The following SPECC1 variants were observed in gnomAD, a reference collection of about 807,000 sequenced individuals.
The protein encoded by SPECC1 is sperm antigen with calponin homology and coiled-coil domains 1, also known as cytospin-B.
SPECC1 carries 62 observed loss-of-function variants against 104.1 expected under a neutral mutation model. That is an observed-to-expected ratio of 0.60 (90% CI 0.49 to 0.74). The LOEUF is 0.74. Ranked by LOEUF, SPECC1 falls within the 30% of genes least tolerant of loss-of-function variation. SPECC1 has a pLI of 0.00. For synonymous variants in SPECC1, 513 were observed against 501.6 expected (o/e 1.02, Z -0.30); for missense variants, 1,306 against 1,310.5 (o/e 1.00, Z 0.05).
At chr17:20,309,878 T>C (rs1238400619) in intron 14 of SPECC1, among the ~76,000 whole-genome samples, 1 of 147,068 alleles carries the variant, frequency 6.8e-6, no homozygotes, top group Non-Finnish European at 1.5e-5. Context: ...AGTGCAATGG[T>C]GCAATCTTGG....
chr17:20,262,493 G>T (rs1188552986), intron 12 of SPECC1, among the ~76,000 whole-genome samples: 1 of 152,170 alleles, frequency 6.6e-6, no homozygotes, highest in African/African-American at 2.4e-5. Context: ...GGTCATGTGG[G>T]TAATGTGTAG....
chr17:20,275,871 C>A (rs1304239475), intron 12 of SPECC1, among the ~76,000 whole-genome samples: 6 of 152,094 alleles, frequency 3.9e-5, no homozygotes, highest in Admixed American at 3.9e-4. Context: ...ATCTCTTACT[C>A]TGACTGTGGT....
At chr17:20,255,982 A>G (rs937883612) in intron 10 of SPECC1, among the ~76,000 whole-genome samples, 7 of 151,564 alleles carry the variant, frequency 4.6e-5, no homozygotes, top group Non-Finnish European at 1.0e-4. Context: ...GGTTCACACC[A>G]TTCTCCTGCC....
intron 1 of SPECC1, among the ~76,000 whole-genome samples, chr17:20,033,580 G>A (rs1010146600): frequency 3.9e-5 from 6 of 152,182 alleles, no homozygotes; most frequent in Admixed American, 3.9e-4. Flanking sequence ...AAGGGAAGGG[G>A]AACCAGTGAG....
intron 2 of SPECC1, among the ~76,000 whole-genome samples, chr17:20,101,455 A>G (rs574646213): frequency 1.3e-5 from 2 of 152,312 alleles, no homozygotes; most frequent in East Asian, 1.9e-4. Flanking sequence ...GGCTGCATAA[A>G]TGTCTTCTTT....
chr17:20,058,835 CTTTT>C (rs58811372), intron 1 of SPECC1, among the ~76,000 whole-genome samples: 1 of 103,570 alleles, frequency 9.7e-6, no homozygotes. Context: ...CACTTTATTT[CTTTT>C]TTTTTTTTTT....
chr17:20,093,462 G>A (rs1442916419), intron 1 of SPECC1, among the ~76,000 whole-genome samples: 1 of 152,206 alleles, frequency 6.6e-6, no homozygotes, highest in Non-Finnish European at 1.5e-5. Context: ...GCATTTAGCA[G>A]TGCTTTGCCA....
chr17:20,239,353 C>G (rs899423490), intron 7 of SPECC1: 17 of 928,984 alleles, frequency 1.8e-5, no homozygotes, highest in Non-Finnish European at 2.2e-5. Context: ...ACAGTGTGTA[C>G]ATTTTTCTTT....
At chr17:20,075,491 T>C (rs923263789) in intron 1 of SPECC1, among the ~76,000 whole-genome samples, 1 of 152,194 alleles carries the variant, frequency 6.6e-6, no homozygotes, top group African/African-American at 2.4e-5. Flanking sequence ...TCCCACACTT[T>C]AAAGCAACTG....
At chr17:20,054,823 TTG>T (rs1477653992) in intron 1 of SPECC1, among the ~76,000 whole-genome samples, 2 of 152,070 alleles carry the variant, frequency 1.3e-5, no homozygotes, top group East Asian at 1.9e-4. Context: ...TGGCTAATTT[TTG>T]TATTTTCTGT....
At chr17:20,228,859 A>T (rs2038396194) in intron 5 of SPECC1, among the ~76,000 whole-genome samples, 1 of 152,248 alleles carries the variant, frequency 6.6e-6, no homozygotes, top group Non-Finnish European at 1.5e-5. Flanking sequence ...CTTTTGTAAC[A>T]AAAGATTTAA....
intron 3 of SPECC1, among the ~76,000 whole-genome samples, chr17:20,139,291 G>A (rs2030445296): frequency 6.6e-6 from 1 of 152,144 alleles, no homozygotes; most frequent in Non-Finnish European, 1.5e-5. Context: ...CTTGCCCGTT[G>A]TACTCCAGAA....
intron 1 of SPECC1, among the ~76,000 whole-genome samples, chr17:20,083,594 T>G (rs2047063991): frequency 6.6e-6 from 1 of 152,198 alleles, no homozygotes. Context: ...TTTCTATTGC[T>G]GAGTACTAGT....
chr17:20,313,950 C>T lies in SPECC1; in HGVS notation c.3118-26C>T, dbSNP rs778204759. ...GGTCTGTGATGTCCTGCCTTGTGAT[C>T]TGTCCCCCATTCCCTTCCCCTGCAG... On this transcript the variant is annotated intron_variant, in intron 14 of 14. Transcript: ENST00000395527. 51 of 1,609,088 alleles carry T rather than the reference C, an allele frequency of 3.2e-5. 1 individual carries two copies. The highest frequency in any genetic ancestry group is 3.3e-4 in the Middle Eastern group (2 of 6,084).
At chr17:20,265,022 C>A (rs964033907) in intron 12 of SPECC1, among the ~76,000 whole-genome samples, 1 of 152,182 alleles carries the variant, frequency 6.6e-6, no homozygotes, top group Non-Finnish European at 1.5e-5. Context: ...CTTTATCCAA[C>A]CCACTGTTGG....
chr17:20,135,091 C>T (rs541310863), intron 3 of SPECC1, among the ~76,000 whole-genome samples: 2 of 152,334 alleles, frequency 1.3e-5, no homozygotes, highest in Non-Finnish European at 2.9e-5. Context: ...TGGCTGCTGA[C>T]ACACAGTAGA....
At chr17:20,279,413 C>G (rs1345456643) in intron 12 of SPECC1, among the ~76,000 whole-genome samples, 2 of 151,138 alleles carry the variant, frequency 1.3e-5, no homozygotes, top group Admixed American at 6.6e-5. Flanking sequence ...ACCTCTGCCC[C>G]CTGGGTTCAA....
chr17:20,095,787 T>G (rs75919005), intron 1 of SPECC1: 10,599 of 152,790 alleles, frequency 0.069, 508 homozygotes, highest in African/African-American at 0.14. Context: ...ATGGGTTTGG[T>G]GCCCTGTGTC....
intron 1 of SPECC1, among the ~76,000 whole-genome samples, chr17:20,025,002 C>T (rs1394386202): frequency 1.3e-5 from 2 of 152,184 alleles, no homozygotes; most frequent in Non-Finnish European, 2.9e-5. Flanking sequence ...TGTTCACAAT[C>T]TCATAGGAAA....
Sources: allele counts gnomAD v4.1 joint callset (sites outside exome capture counted in the v4.1 genomes callset), GRCh38; gene constraint gnomAD v4.1.1; transcripts MANE v1.5; gene names NCBI Gene and HGNC (gene_info 2026-07-23, HGNC 2026-07-21).